The following MYOF variants were observed in gnomAD, a reference collection of about 807,000 sequenced individuals.
The protein encoded by MYOF is myoferlin.
In MYOF, 244 loss-of-function variants were observed where a neutral mutation model predicts 284.2. That is an observed-to-expected ratio of 0.86 (90% CI 0.77 to 0.95). The LOEUF (loss-of-function observed/expected upper bound fraction) is 0.95. Among genes scored for constraint, MYOF ranks in the 40% least tolerant of loss-of-function variants. MYOF has a pLI of 0.00. For missense variants in MYOF, 2,496 were observed against 2,560.6 expected, an observed-to-expected ratio of 0.97 and a Z score of 0.54; for synonymous variants, 904 against 919.7, an observed-to-expected ratio of 0.98 and a Z score of 0.31.
At chr10:93,391,690 C>T (rs769452220) in intron 17 of MYOF, among the ~76,000 whole-genome samples, 2 of 152,170 alleles carry the variant, frequency 1.3e-5, no homozygotes. Flanking sequence ...GTTTAATGCA[C>T]AGTGGACACA....
At chr10:93,435,636 A>G in intron 3 of MYOF, among the ~76,000 whole-genome samples, 1 of 152,162 alleles carries the variant, frequency 6.6e-6, no homozygotes. Flanking sequence ...TGCTTTCTAT[A>G]TATGTCTACA....
intron 1 of MYOF, among the ~76,000 whole-genome samples, chr10:93,474,898 C>G (rs991233984): frequency 4.6e-5 from 7 of 152,110 alleles, no homozygotes; most frequent in African/African-American, 7.2e-5. Flanking sequence ...AGGTGCCCAC[C>G]ACCATGCCTG....
chr10:93,349,749 G>A, intron 36 of MYOF, 59 bp downstream of exon 36: 1 of 1,573,658 alleles, frequency 6.4e-7, no homozygotes, highest in Non-Finnish European at 8.7e-7. Context: ...GTGTGTGTGT[G>A]AGGCACATAC....
intron 28 of MYOF, among the ~76,000 whole-genome samples, chr10:93,361,121 A>T (rs1191300766): frequency 6.6e-6 from 1 of 152,106 alleles, no homozygotes; most frequent in Non-Finnish European, 1.5e-5. Context: ...GGGTAGAGGG[A>T]GGATGGCTAG....
At chr10:93,442,261 C>T (rs760995419) in intron 3 of MYOF, among the ~76,000 whole-genome samples, 2 of 152,120 alleles carry the variant, frequency 1.3e-5, no homozygotes, top group African/African-American at 2.4e-5. Context: ...GTTTTAACAT[C>T]GTCCCTGACA....
rs758957737 is a variant in MYOF at position 93,359,985 on chromosome 10, C to T, written c.2975-7G>A. 32 of 1,613,982 alleles carry T rather than the reference C, an allele frequency of 2.0e-5. No homozygotes were observed. Among genetic ancestry groups the T allele is most frequent in the Middle Eastern group, 1.6e-4 (1 of 6,080 alleles). On this transcript the variant is annotated splice_polypyrimidine_tract_variant and splice_region_variant and intron_variant, in intron 28 of 53. Coordinates refer to ENST00000359263, the MANE Select transcript of MYOF (RefSeq NM_013451.4). ...GTGATTCCATATTCCCAGCCTGGAA[C>T]AGAGTTTGTGAATGGTTACCCAGAA...
At position 93,449,135 on chromosome 10, in the gene MYOF, G is replaced by A. The variant is rs77805112; in HGVS notation, c.236+2915C>T. On this transcript the variant is annotated intron_variant, in intron 3 of 53. Transcript: ENST00000359263. ...AATGTGGTAAGTCTCTGAATTGAGA[G>A]GTGCTGTAAGTGTGAAGCAAACACC... 9.9e-3 allele frequency among the ~76,000 whole-genome samples: 1,507 copies of A among 152,278 alleles called. 25 individuals carry two copies. The highest frequency in any genetic ancestry group is 0.035 in the African/African-American group (1,442 of 41,558).
At chr10:93,479,122 T>C (rs922333642) in intron 1 of MYOF, among the ~76,000 whole-genome samples, 2 of 152,108 alleles carry the variant, frequency 1.3e-5, no homozygotes, top group Non-Finnish European at 2.9e-5. Flanking sequence ...GATGCCGCCT[T>C]GATCTTCTGG....
At chr10:93,390,684 CTTCT>C (rs1846634574) in intron 17 of MYOF, among the ~76,000 whole-genome samples, 1 of 152,090 alleles carries the variant, frequency 6.6e-6, no homozygotes, top group Non-Finnish European at 1.5e-5. Context: ...AGGGTTTGGA[CTTCT>C]TTCTGTGTGC....
intron 1 of MYOF, among the ~76,000 whole-genome samples, chr10:93,479,203 C>T (rs1366476216): frequency 2.7e-5 from 4 of 150,234 alleles, no homozygotes; most frequent in Non-Finnish European, 4.4e-5. Flanking sequence ...TGCAGTGGTG[C>T]GATCTCTGCT....
chr10:93,474,778 C>T (rs1303345477), intron 1 of MYOF, among the ~76,000 whole-genome samples: 1 of 148,944 alleles, frequency 6.7e-6, no homozygotes, highest in East Asian at 2.0e-4. Flanking sequence ...TGAAGTTTCA[C>T]TCTTGTTGCC....
intron 21 of MYOF, among the ~76,000 whole-genome samples, chr10:93,378,709 A>G (rs1401498974): frequency 8.1e-5 from 11 of 135,430 alleles, no homozygotes; most frequent in African/African-American, 3.0e-4. Flanking sequence ...ATATATATAT[A>G]TATATATGTA....
chr10:93,379,283 A>G (rs1352469239), intron 21 of MYOF, among the ~76,000 whole-genome samples: 5 of 152,096 alleles, frequency 3.3e-5, no homozygotes, highest in Admixed American at 6.5e-5. Flanking sequence ...TCATATTGCT[A>G]TTGGAATGAA....
chr10:93,381,336 G>A lies in MYOF; in HGVS notation c.1759C>T (p.Gln587Ter), dbSNP rs1846101894. ...SAVFHSATML[Q>*]DVGEAIQFEV... ...AACTGAATGGCCTCACCAACATCTTGCAACATGGTGGCTGAATGAAACACG... is the reference window on the plus strand; with the variant it reads ...AACTGAATGGCCTCACCAACATCTTACAACATGGTGGCTGAATGAAACACG... The change falls in exon 20 of 54, where the codon CAA becomes TAA. Residue 587 changes from glutamine to a stop codon, truncating the protein, a stop_gained. Coordinates refer to ENST00000359263, the MANE Select transcript of MYOF (RefSeq NM_013451.4). LOFTEE classifies it high-confidence loss of function. 6.2e-7 allele frequency: 1 copy of A among 1,614,206 alleles called. No individual in the cohort carries two copies. Among genetic ancestry groups the A allele is most frequent in the Non-Finnish European group, 8.5e-7 (1 of 1,180,044 alleles).
At chr10:93,444,809 G>A (rs1029197832) in intron 3 of MYOF, among the ~76,000 whole-genome samples, 7 of 152,208 alleles carry the variant, frequency 4.6e-5, no homozygotes, top group Admixed American at 2.0e-4. Context: ...ATTTCTACAT[G>A]TACAGGTTCT....
intron 2 of MYOF, among the ~76,000 whole-genome samples, chr10:93,455,031 T>C (rs903840574): frequency 4.2e-5 from 6 of 143,114 alleles, no homozygotes; most frequent in Admixed American, 2.2e-4. Flanking sequence ...CGTGGTGACT[T>C]ATGCGTGTAA....
chr10:93,317,475 A>G (rs1422483164), intron 49 of MYOF, among the ~76,000 whole-genome samples: 1 of 152,026 alleles, frequency 6.6e-6, no homozygotes, highest in Non-Finnish European at 1.5e-5. Context: ...CGTCTCTACT[A>G]AAAATACAAA....
Position 93,364,039 on chromosome 10 carries a change from G to A in MYOF, c.2790C>T (p.Phe930=). The stretch of plus-strand genomic sequence containing the variant: ...TCTCGTTCTGATAGACTTCATCAGT[G>A]AACTCCGTGTGACCTGCATCTGCCT... The part of the protein sequence containing the change: ...LTEADAGHTE[F]TDEVYQNESR... Residue 930 remains phenylalanine, a synonymous_variant, in exon 27 of 54, where the codon TTC becomes TTT. Coordinates refer to ENST00000359263, the MANE Select transcript of MYOF (RefSeq NM_013451.4). 1 of 1,614,156 alleles carries A rather than the reference G, an allele frequency of 6.2e-7. No individual in the cohort carries two copies. Among genetic ancestry groups the A allele is most frequent in the Non-Finnish European group, 8.5e-7 (1 of 1,180,030 alleles).
chr10:93,445,197 T>A (rs936010398), intron 3 of MYOF, among the ~76,000 whole-genome samples: 4 of 152,204 alleles, frequency 2.6e-5, no homozygotes, highest in Non-Finnish European at 2.9e-5. Flanking sequence ...GCTTTCAGTA[T>A]AACATAAAAG....
Sources: gnomAD v4.1 joint callset for allele counts (sites outside exome capture counted in the v4.1 genomes callset) on GRCh38, gnomAD v4.1.1 for gene constraint, MANE v1.5 for transcripts, NCBI Gene and HGNC (gene_info 2026-07-23, HGNC 2026-07-21) for gene names.